Variants in CELF4 observed in about 807,000 individuals in gnomAD.
The protein encoded by CELF4 is CUGBP Elav-like family member 4.
Under a neutral mutation model 59.9 loss-of-function variants are expected in CELF4, and 18 were observed. The ratio of observed to expected loss-of-function variants is 0.30; its 90% CI spans 0.21 to 0.45. The LOEUF is 0.45. Ranked by LOEUF, CELF4 falls within the 20% of genes least tolerant of loss-of-function variation. The probability of loss-of-function intolerance (pLI) is 1.00; values close to 1 mark genes in which losing one functional copy is unlikely to be tolerated. For synonymous variants in CELF4, 261 were observed against 267.1 expected (o/e 0.98, Z 0.22); for missense variants, 456 against 689.0 (o/e 0.66, Z 3.79).
chr18:37,546,506 G>A (rs1242163400), intron 1 of CELF4, among the ~76,000 whole-genome samples: 1 of 152,212 alleles, frequency 6.6e-6, no homozygotes, highest in East Asian at 1.9e-4. Context: ...TGGTCCTGGT[G>A]TGAGATACCT....
intron 2 of CELF4, among the ~76,000 whole-genome samples, chr18:37,330,262 G>A (rs1248094095): frequency 1.3e-5 from 2 of 151,978 alleles, no homozygotes; most frequent in African/African-American, 4.8e-5. Context: ...AGGAGGACAG[G>A]GTCTGAATCA....
At chr18:37,465,277 T>C (rs2099804869) in intron 2 of CELF4, among the ~76,000 whole-genome samples, 1 of 152,178 alleles carries the variant, frequency 6.6e-6, no homozygotes, top group South Asian at 2.1e-4. Flanking sequence ...CAATAAAGAA[T>C]GCTTTTCCTG....
intron 3 of CELF4, among the ~76,000 whole-genome samples, chr18:37,318,630 T>G (rs868077104): frequency 7.7e-6 from 1 of 129,322 alleles, no homozygotes; most frequent in African/African-American, 2.8e-5. Flanking sequence ...TCCCTACACC[T>G]CCCCCCCCCC....
intron 1 of CELF4, among the ~76,000 whole-genome samples, chr18:37,544,152 CTT>C (rs5824075): frequency 0.82 from 113,050 of 138,010 alleles, 46,997 homozygotes; most frequent in Non-Finnish European, 0.91. Context: ...CTTTTACTTC[CTT>C]TTTTTTTTTT....
chr18:37,542,046 C>T (rs2099978220), intron 1 of CELF4, among the ~76,000 whole-genome samples: 1 of 152,070 alleles, frequency 6.6e-6, no homozygotes, highest in South Asian at 2.1e-4. Context: ...AGTGGGTGAT[C>T]AGTAACTGTT....
intron 2 of CELF4, among the ~76,000 whole-genome samples, chr18:37,369,793 G>C (rs1383236289): frequency 2.0e-5 from 3 of 152,192 alleles, no homozygotes; most frequent in Non-Finnish European, 4.4e-5. Flanking sequence ...AGCCAGGCCA[G>C]GCCATACGCT....
rs574325843 is a variant in CELF4 at position 37,375,662 on chromosome 18, ACTGAGT to A, written c.370-53787_370-53782del. 2.0e-3 allele frequency among the ~76,000 whole-genome samples: 303 copies of A among 152,268 alleles called. 3 individuals carry two copies. Among genetic ancestry groups the A allele is most frequent in the African/African-American group, 7.1e-3 (296 of 41,562 alleles). On this transcript the variant is annotated intron_variant, in intron 2 of 12. Coordinates refer to ENST00000420428, the MANE Select transcript of CELF4 (RefSeq NM_020180.4). ...CTAGATGGCAGAGGCAGGATGTGAA[ACTGAGT>A]CTGAGCTAGAGCCCTGGCTCCTACC...
chr18:37,368,895 C>T (rs1346911460), intron 2 of CELF4, among the ~76,000 whole-genome samples: 2 of 152,256 alleles, frequency 1.3e-5, no homozygotes, highest in East Asian at 3.9e-4. Context: ...GGGTGAACAC[C>T]TGGGCATCCC....
At chr18:37,376,648 G>A (rs1001475842) in intron 2 of CELF4, among the ~76,000 whole-genome samples, 5 of 152,128 alleles carry the variant, frequency 3.3e-5, no homozygotes, top group African/African-American at 7.2e-5. Context: ...CTGGGTGAAC[G>A]CAGGAATCTT....
chr18:37,258,619 G>A (rs1040101867), intron 11 of CELF4, among the ~76,000 whole-genome samples: 2 of 152,194 alleles, frequency 1.3e-5, no homozygotes, highest in Non-Finnish European at 2.9e-5. Context: ...AAAAAGCAGG[G>A]TAGACAGAGA....
intron 2 of CELF4, among the ~76,000 whole-genome samples, chr18:37,455,955 T>C (rs938150355): frequency 2.6e-5 from 4 of 152,184 alleles, no homozygotes; most frequent in Admixed American, 2.6e-4. Flanking sequence ...GGGCTCACTC[T>C]TCATTCACTC....
chr18:37,515,715 G>A (rs764872684), intron 1 of CELF4, among the ~76,000 whole-genome samples: 3 of 152,188 alleles, frequency 2.0e-5, no homozygotes, highest in Non-Finnish European at 2.9e-5. Context: ...TCCAGCTGGG[G>A]CATGGGGAGC....
At position 37,253,487 on chromosome 18, in the gene CELF4, G is replaced by A. The variant is rs772921454; in HGVS notation, c.*44+280C>T. The stretch of plus-strand genomic sequence containing the variant: ...TCTGGCCAACAGGACTGCCAATGTA[G>A]ACCCGGAGGCGCAGGCCCAGGGCTC... On this transcript the variant is annotated intron_variant, in intron 12 of 12. Transcript: ENST00000420428. The surrounding 1 kb of genome is among the most constrained non-coding windows in gnomAD (Gnocchi z 4.5). Among the ~76,000 whole-genome samples the A allele has an allele frequency of 2.1e-4, 32 of 152,188 alleles. No individual in the cohort carries two copies. The highest frequency in any genetic ancestry group is 3.9e-4 in the Admixed American group (6 of 15,288).
intron 2 of CELF4, among the ~76,000 whole-genome samples, chr18:37,449,750 C>A (rs777265524): frequency 6.6e-6 from 1 of 152,164 alleles, no homozygotes; most frequent in African/African-American, 2.4e-5. Flanking sequence ...AGAGAGTGAG[C>A]CAAGTGAGCA....
intron 2 of CELF4, among the ~76,000 whole-genome samples, chr18:37,420,669 C>T (rs2099572657): frequency 6.6e-6 from 1 of 152,178 alleles, no homozygotes. Context: ...ACTCGTTCTC[C>T]AAGCATGGGG....
intron 2 of CELF4, among the ~76,000 whole-genome samples, chr18:37,433,084 G>A (rs148971120): frequency 2.0e-5 from 3 of 152,290 alleles, no homozygotes; most frequent in East Asian, 1.9e-4. Flanking sequence ...GAGCAGTGAG[G>A]GAAAGTGTGG....
At chr18:37,514,846 A>G (rs2099948844) in intron 1 of CELF4, among the ~76,000 whole-genome samples, 4 of 152,170 alleles carry the variant, frequency 2.6e-5, no homozygotes, top group Admixed American at 2.6e-4. Context: ...TTTCAGTTCA[A>G]CTTTAACTGG....
chr18:37,337,716 C>T (rs906494425), intron 2 of CELF4, among the ~76,000 whole-genome samples: 14 of 152,314 alleles, frequency 9.2e-5, no homozygotes, highest in East Asian at 1.9e-4. Context: ...TCACATGGTG[C>T]GAGATTTGCC....
intron 3 of CELF4, among the ~76,000 whole-genome samples, chr18:37,282,222 G>A (rs1602397656): frequency 1.3e-5 from 2 of 152,216 alleles, no homozygotes; most frequent in Admixed American, 1.3e-4. Context: ...TCCCACCCCT[G>A]GGAGTGTAGA....
Sources: allele counts gnomAD v4.1 joint callset (sites outside exome capture counted in the v4.1 genomes callset), GRCh38; gene constraint gnomAD v4.1.1; non-coding constraint Gnocchi (gnomAD v3.1); transcripts MANE v1.5; gene names NCBI Gene and HGNC (gene_info 2026-07-23, HGNC 2026-07-21).